The following SEC16A variants were observed in gnomAD, a reference collection of about 807,000 sequenced individuals.
The protein encoded by SEC16A is SEC16 homolog A, endoplasmic reticulum export factor.
A neutral mutation model predicts 221.9 loss-of-function variants in SEC16A; 110 were observed. That is an observed-to-expected ratio of 0.50 (90% CI 0.42 to 0.58). SEC16A has a LOEUF of 0.58. Ranked by LOEUF, SEC16A falls within the 20% of genes least tolerant of loss-of-function variation. The pLI is 0.00. For synonymous variants in SEC16A, 1,393 were observed against 1,257.7 expected (o/e 1.11, Z -2.28); for missense variants, 3,165 against 3,097.8 (o/e 1.02, Z -0.52).
rs201580918 is a variant in SEC16A at position 136,476,365 on chromosome 9, G to C, written c.1251C>G (p.His417Gln). ...CCTGGCAGAGGCTGCCTGCCCCCAC[G>C]TGTGTAGGTGCGGGCGGACGGCCTA... ...PGLGRPPAPT[H>Q]VGAGSLCQAL... Residue 417 changes from histidine (H) to glutamine (Q), a missense_variant, in exon 3 of 32, where the codon CAC becomes CAG. His to Gln is a conservative substitution (Grantham distance 24). This residue lies in a region of SEC16A where 2,030 missense variants were observed against 1,923.1 expected (regional missense o/e 1.06). Coordinates refer to ENST00000684901, the MANE Select transcript of SEC16A (RefSeq NM_014866.2). 27 of 1,612,812 alleles carry C rather than the reference G, an allele frequency of 1.7e-5. No homozygotes were observed. In the African/African-American group the frequency reaches 2.9e-4, roughly 18 times the overall value.
intron 22 of SEC16A, among the ~76,000 whole-genome samples, chr9:136,452,889 G>A (rs1316253399): frequency 3.3e-5 from 5 of 150,294 alleles, no homozygotes; most frequent in Non-Finnish European, 7.4e-5. Flanking sequence ...TGGCCAACAT[G>A]GTGAAACCCC....
chr9:136,477,745 C>T, intron 2 of SEC16A, 61 bp from the exon 3 acceptor site: 1 of 1,395,010 alleles, frequency 7.2e-7, no homozygotes, highest in Non-Finnish European at 9.4e-7. Flanking sequence ...TAGCTGCAAT[C>T]AGGAAAACTA....
rs779803122 is a variant in SEC16A at position 136,477,372 on chromosome 9, CTGGGCCTTGCAAGACAGG to C, written c.226_243del (p.Pro76_Pro81del). 1.2e-6 allele frequency: 2 copies of C among 1,614,000 alleles called. No individual in the cohort carries two copies. Among genetic ancestry groups the C allele is most frequent in the African/African-American group, 2.7e-5 (2 of 75,048 alleles). Reference sequence around the variant, plus strand: ...GGGTGCTGAGAAAACCCTGCGGGGGCTGGGCCTTGCAAGACAGGTGGACTGCTTTTGGACGAACTGCCC... The same window carrying C: ...GGGTGCTGAGAAAACCCTGCGGGGGCTGGACTGCTTTTGGACGAACTGCCC... On this transcript the variant is annotated inframe_deletion, in exon 3 of 32. Transcript: ENST00000684901.
Position 136,440,798 on chromosome 9 carries a change from G to A in SEC16A, c.*957C>T, listed in dbSNP as rs1836109924. 6.6e-6 allele frequency: 1 copy of A among 152,374 alleles called. No homozygotes were observed. The highest frequency in any genetic ancestry group is 2.1e-4 in the South Asian group (1 of 4,830). The allele number at this position is 152,374 out of a possible 1,614,324, so 9.4% of individuals were successfully genotyped here. On this transcript the variant is annotated 3_prime_UTR_variant, in exon 32 of 32. Coordinates refer to ENST00000684901, the MANE Select transcript of SEC16A (RefSeq NM_014866.2). ...CAACCTCTGAACCAACGTCCCCCAG[G>A]GGAGAAAGTGGGTCATGTGGATTGT...
intron 22 of SEC16A, 45 bp from the exon 23 acceptor site, chr9:136,451,453 A>G (rs1207064500): frequency 5.2e-6 from 8 of 1,536,950 alleles, no homozygotes; most frequent in East Asian, 4.5e-5. Flanking sequence ...GGCTCCTCAC[A>G]GGAACCGAAA....
Position 136,463,443 on chromosome 9 carries a change from A to G in SEC16A, c.4647+20T>C, listed in dbSNP as rs1477981753. On this transcript the variant is annotated intron_variant, in intron 11 of 31. Transcript: ENST00000684901. Reference sequence around the variant, plus strand: ...GAAGACCAGCAAGAAGAAACACTCTAGAAGTAGAAAGAAACATACCCCATT... The same window carrying G: ...GAAGACCAGCAAGAAGAAACACTCTGGAAGTAGAAAGAAACATACCCCATT... The G allele has an allele frequency of 6.2e-7, 1 of 1,610,162 alleles. No homozygotes were observed. The highest frequency in any genetic ancestry group is 8.5e-7 in the Non-Finnish European group (1 of 1,177,606).
intron 30 of SEC16A, chr9:136,444,175 G>C: frequency 3.7e-6 from 1 of 269,136 alleles, no homozygotes; most frequent in Non-Finnish European, 7.1e-6. Context: ...CCGAGCGTGC[G>C]AGGTGGTGAG....
In SEC16A at chr9:136,459,587, G is replaced by C. The variant is rs776055291; in HGVS notation, c.5192-32C>G. 2.6e-6 allele frequency: 4 copies of C among 1,524,788 alleles called. No individual in the cohort carries two copies. Among genetic ancestry groups the C allele is most frequent in the African/African-American group, 1.4e-5 (1 of 72,590 alleles). 94.5% of individuals were successfully genotyped at this position (1,524,788 alleles called of 1,614,324 possible). On this transcript the variant is annotated intron_variant, in intron 15 of 31. Coordinates refer to ENST00000684901, the MANE Select transcript of SEC16A (RefSeq NM_014866.2). This position sits in a 1 kb window ranked among gnomAD's most constrained non-coding sequence, Gnocchi z 6.1. Reference sequence around the variant, plus strand: ...AGAGACGACACGACACACGGCGGGGGCTCAGCGACCGGGAGCGCTTGCAGA... The same window carrying C: ...AGAGACGACACGACACACGGCGGGGCCTCAGCGACCGGGAGCGCTTGCAGA...
chr9:136,482,519 AAAC>A (rs1842519135), intron 1 of SEC16A, among the ~76,000 whole-genome samples: 1 of 152,242 alleles, frequency 6.6e-6, no homozygotes, highest in African/African-American at 2.4e-5. Context: ...AATTACAAAC[AAAC>A]AACTCTGCTC....
At position 136,477,289 on chromosome 9, in the gene SEC16A, G is replaced by C; in HGVS notation, c.327C>G (p.Pro109=). Residue 109 remains proline, a synonymous_variant, in exon 3 of 32, where the codon CCC becomes CCG. Transcript: ENST00000684901. The stretch of plus-strand genomic sequence containing the variant: ...TGGGCTGTGTCAGAGGTCCAGGCAG[G>C]GGCTCACAGGGTCCCTGAGAGCTAT... ...ARDSSQGPCE[P]LPGPLTQPRA... The C allele has an allele frequency of 1.2e-6, 2 of 1,613,926 alleles. No homozygotes were observed. The highest frequency in any genetic ancestry group is 4.5e-5 in the East Asian group (2 of 44,878).
At chr9:136,472,189 C>G in intron 3 of SEC16A, 78 bp from the exon 4 acceptor site, 1 of 1,564,658 alleles carries the variant, frequency 6.4e-7, no homozygotes, top group Non-Finnish European at 8.8e-7. Flanking sequence ...GAGCTGGAAA[C>G]ATTGCAGAGG....
chr9:136,463,745 G>A lies in SEC16A; in HGVS notation c.4447-5C>T, dbSNP rs750948812. The A allele has an allele frequency of 7.4e-6, 12 of 1,611,558 alleles. No homozygotes were observed. The highest frequency in any genetic ancestry group is 1.1e-5 in the South Asian group (1 of 91,002). ...AGACGTGTGCTGCAGCAAGGCCTAC[G>A]AGGAGAGGGCCGTGGGTCAGTGGCA... On this transcript the variant is annotated splice_region_variant and splice_polypyrimidine_tract_variant and intron_variant, in intron 9 of 31. Coordinates refer to ENST00000684901, the MANE Select transcript of SEC16A (RefSeq NM_014866.2).
chr9:136,483,065 G>A (rs937953829), upstream of SEC16A: 357 of 973,742 alleles, frequency 3.7e-4, no homozygotes, highest in Non-Finnish European at 4.2e-4. Context: ...CGGCCGCCGC[G>A]CCGCCGACGT....
At chr9:136,484,501 C>T (rs1251388414), upstream of SEC16A, 6 of 1,232,538 alleles carry the variant, frequency 4.9e-6, no homozygotes, top group Middle Eastern at 2.6e-4. Context: ...GGAAGAGCCG[C>T]GGCCTTCCTC....
At chr9:136,470,997 G>A (rs1840781033) in intron 4 of SEC16A, among the ~76,000 whole-genome samples, 2 of 152,102 alleles carry the variant, frequency 1.3e-5, no homozygotes, top group South Asian at 4.2e-4. Context: ...GCACCTCCCT[G>A]AGTGGAGATG....
chr9:136,459,362 A>G lies in SEC16A; in HGVS notation c.5303+82T>C. The G allele has an allele frequency of 7.1e-7, 1 of 1,403,226 alleles. No homozygotes were observed. The highest frequency in any genetic ancestry group is 9.9e-7 in the Non-Finnish European group (1 of 1,010,172). The allele number at this position is 1,403,226 out of a possible 1,614,324, so 86.9% of individuals were successfully genotyped here. A position where few individuals can be genotyped will look rare whatever the true frequency, so the allele number is the denominator to read the frequency against. ...GACAAATAAAGACATGATTCTGGCC[A>G]TTTCTGAATTCACTAAAGGAGAAGG... On this transcript the variant is annotated intron_variant, in intron 16 of 31. Transcript: ENST00000684901. This position sits in a 1 kb window ranked among gnomAD's most constrained non-coding sequence, Gnocchi z 6.1.
chr9:136,478,864 A>C (rs1841979498), intron 1 of SEC16A, among the ~76,000 whole-genome samples, 34 bp from the exon 2 acceptor site: 1 of 152,230 alleles, frequency 6.6e-6, no homozygotes, highest in African/African-American at 2.4e-5. Flanking sequence ...AAAAAGTGAC[A>C]CAATCATTTT....
At chr9:136,467,406 T>A (rs908812390) in intron 5 of SEC16A, among the ~76,000 whole-genome samples, 2 of 152,236 alleles carry the variant, frequency 1.3e-5, no homozygotes, top group African/African-American at 4.8e-5. Flanking sequence ...GGTCTTACTA[T>A]GTTTCGCAGG....
chr9:136,478,320 G>A (rs1564546969), intron 2 of SEC16A, among the ~76,000 whole-genome samples: 1 of 149,750 alleles, frequency 6.7e-6, no homozygotes, highest in Non-Finnish European at 1.5e-5. Flanking sequence ...GGAGGATTGC[G>A]TCAGCCTGGG....
Sources: allele counts gnomAD v4.1 joint callset (sites outside exome capture counted in the v4.1 genomes callset), GRCh38; gene constraint gnomAD v4.1.1; regional missense constraint gnomAD v4.1.1; non-coding constraint Gnocchi (gnomAD v3.1); transcripts MANE v1.5; gene names NCBI Gene and HGNC (gene_info 2026-07-23, HGNC 2026-07-21).